The following PDE1A variants were observed in gnomAD, a reference collection of about 807,000 sequenced individuals.
PDE1A encodes the protein phosphodiesterase 1A.
In PDE1A, 35 loss-of-function variants were observed where a neutral mutation model predicts 61.7. The ratio of observed to expected loss-of-function variants is 0.57; its 90% CI spans 0.43 to 0.75. The LOEUF (loss-of-function observed/expected upper bound fraction) is 0.75, where lower values mean the gene tolerates loss of function less well. Ranked by LOEUF, PDE1A falls within the 30% of genes least tolerant of loss-of-function variation. PDE1A has a pLI of 0.00. For missense variants in PDE1A, 597 were observed against 630.6 expected (o/e 0.95, Z 0.57); for synonymous variants, 232 against 213.2 (o/e 1.09, Z -0.77).
chr2:182,450,282 G>C (rs1475374980), intron 2 of PDE1A, among the ~76,000 whole-genome samples: 1 of 152,042 alleles, frequency 6.6e-6, no homozygotes, highest in Non-Finnish European at 1.5e-5. Flanking sequence ...TTACTAACCA[G>C]AGAGAAAGAG....
chr2:182,201,256 C>T (rs1278879367), intron 10 of PDE1A, among the ~76,000 whole-genome samples, 183 bp downstream of exon 10: 3 of 152,112 alleles, frequency 2.0e-5, no homozygotes, highest in African/African-American at 7.2e-5. Context: ...ACATGTATCA[C>T]ACTACATAGA....
chr2:182,525,628 G>A (rs190919875), upstream of PDE1A, among the ~76,000 whole-genome samples: 5 of 152,200 alleles, frequency 3.3e-5, no homozygotes, highest in Admixed American at 3.3e-4. Flanking sequence ...AGTTTCCTGA[G>A]GCCTCCCCAG....
At chr2:182,350,663 G>A (rs149793444) in intron 1 of PDE1A, among the ~76,000 whole-genome samples, 13 of 152,266 alleles carry the variant, frequency 8.5e-5, no homozygotes, top group African/African-American at 3.1e-4. Flanking sequence ...AAAAGCTCCA[G>A]ATTCCTCATT....
At chr2:182,167,559 C>G (rs1312075305), downstream of PDE1A, among the ~76,000 whole-genome samples, 1 of 152,044 alleles carries the variant, frequency 6.6e-6, no homozygotes, top group Non-Finnish European at 1.5e-5. Flanking sequence ...ATATGTATGC[C>G]TCTATTGTGT....
the PDE1A span, among the ~76,000 whole-genome samples, chr2:182,695,529 C>T: frequency 3.3e-5 from 5 of 151,692 alleles, no homozygotes; most frequent in Non-Finnish European, 5.9e-5. Context: ...TAGCTGGGCG[C>T]GGTGGCTGGC....
At chr2:182,307,909 T>G (rs1213775801) in intron 1 of PDE1A, among the ~76,000 whole-genome samples, 1 of 151,958 alleles carries the variant, frequency 6.6e-6, no homozygotes, top group Non-Finnish European at 1.5e-5. Context: ...AAGTTGTTGG[T>G]GAGGGTGTGG....
intron 1 of PDE1A, among the ~76,000 whole-genome samples, chr2:182,296,544 C>T (rs1030203143): frequency 6.6e-6 from 1 of 152,082 alleles, no homozygotes; most frequent in African/African-American, 2.4e-5. Flanking sequence ...AAGGGCATAG[C>T]AATGAGTGGC....
intron 2 of PDE1A, among the ~76,000 whole-genome samples, chr2:182,483,908 T>C (rs1362212718): frequency 3.3e-5 from 5 of 151,850 alleles, no homozygotes; most frequent in Admixed American, 2.0e-4. Flanking sequence ...ATTGTTACAC[T>C]CAAGAATGAA....
intron 1 of PDE1A, among the ~76,000 whole-genome samples, chr2:182,409,149 T>C (rs1702468507): frequency 6.6e-6 from 1 of 152,158 alleles, no homozygotes; most frequent in South Asian, 2.1e-4. Flanking sequence ...TCAATCCTCC[T>C]CCCTTCTCCT....
At chr2:182,546,478 G>T in the PDE1A span, among the ~76,000 whole-genome samples, 1 of 152,070 alleles carries the variant, frequency 6.6e-6, no homozygotes, top group Non-Finnish European at 1.5e-5. Context: ...GCATCAAAAG[G>T]CCCCTATAAG....
At chr2:182,212,399 T>C (rs1687697003) in intron 7 of PDE1A, among the ~76,000 whole-genome samples, 1 of 152,056 alleles carries the variant, frequency 6.6e-6, no homozygotes, top group African/African-American at 2.4e-5. Flanking sequence ...TAGAATACAA[T>C]ACATTGGGGA....
intron 7 of PDE1A, among the ~76,000 whole-genome samples, chr2:182,219,138 C>T (rs986802141): frequency 6.6e-6 from 1 of 151,844 alleles, no homozygotes; most frequent in Admixed American, 6.6e-5. Flanking sequence ...GTTATAGATC[C>T]TTTTGCTTTA....
intron 1 of PDE1A, among the ~76,000 whole-genome samples, chr2:182,292,777 G>A (rs1290240880): frequency 1.3e-5 from 2 of 151,878 alleles, no homozygotes; most frequent in African/African-American, 2.4e-5. Context: ...TAAATTAAAA[G>A]TTTGATGTTT....
At chr2:182,670,040 C>G in the PDE1A span, among the ~76,000 whole-genome samples, 1 of 152,190 alleles carries the variant, frequency 6.6e-6, no homozygotes, top group Non-Finnish European at 1.5e-5. Context: ...ATGCTGTTTG[C>G]AAGCAGTTTT....
intron 1 of PDE1A, among the ~76,000 whole-genome samples, chr2:182,350,764 GA>G (rs1239620580): frequency 6.6e-6 from 1 of 152,106 alleles, no homozygotes; most frequent in Non-Finnish European, 1.5e-5. Context: ...GGCATGGCCA[GA>G]GCAGTGCCAG....
chr2:182,388,219 C>T (rs1701228394), intron 1 of PDE1A, among the ~76,000 whole-genome samples: 1 of 151,988 alleles, frequency 6.6e-6, no homozygotes, highest in Admixed American at 6.6e-5. Flanking sequence ...AGACACACTG[C>T]AATACAATAA....
At chr2:182,192,996 C>A (rs575674912) in intron 10 of PDE1A, among the ~76,000 whole-genome samples, 130 of 151,868 alleles carry the variant, frequency 8.6e-4, no homozygotes, top group African/African-American at 3.0e-3. Context: ...TTTTGTTTTT[C>A]TTTTTTTCTT....
chr2:182,484,871 G>A (rs1460241344), intron 2 of PDE1A, among the ~76,000 whole-genome samples: 1 of 151,950 alleles, frequency 6.6e-6, no homozygotes, highest in Non-Finnish European at 1.5e-5. Flanking sequence ...AATAACAGAT[G>A]CTGGCGAGGT....
the PDE1A span, among the ~76,000 whole-genome samples, chr2:182,656,243 C>A: frequency 6.6e-6 from 1 of 152,116 alleles, no homozygotes. Flanking sequence ...TTCCAAAAGA[C>A]CTCTGAGACA....
Sources: allele counts gnomAD v4.1 joint callset (sites outside exome capture counted in the v4.1 genomes callset), GRCh38; gene constraint gnomAD v4.1.1; transcripts MANE v1.5; gene names NCBI Gene and HGNC (gene_info 2026-07-23, HGNC 2026-07-21).